LYPLA1: variants seen among roughly 807,000 people sequenced by gnomAD.
LYPLA1 encodes the protein acyl-protein thioesterase 1.
A neutral mutation model predicts 34.0 loss-of-function variants in LYPLA1; 17 were observed. That is an observed-to-expected ratio of 0.50 (90% CI 0.34 to 0.75). LYPLA1 has a LOEUF of 0.75. Ranked by LOEUF, LYPLA1 falls within the 30% of genes least tolerant of loss-of-function variation. LYPLA1 has a pLI of 0.01. For missense variants in LYPLA1, 203 were observed against 288.8 expected, an observed-to-expected ratio of 0.70 and a Z score of 2.15; for synonymous variants, 98 against 100.8, an observed-to-expected ratio of 0.97 and a Z score of 0.17.
chr8:54,062,652 C>CAG (rs1316300750), intron 4 of LYPLA1, among the ~76,000 whole-genome samples: 1 of 152,150 alleles, frequency 6.6e-6, no homozygotes, highest in African/African-American at 2.4e-5. Flanking sequence ...GCTGGTACTA[C>CAG]AGGTGCATGC....
At chr8:54,073,304 CCTT>C in intron 2 of LYPLA1, 3 of 872,634 alleles carry the variant, frequency 3.4e-6, no homozygotes, top group Non-Finnish European at 5.9e-6. Flanking sequence ...TGCCCCCTCT[CCTT>C]CTATGGACGG....
chr8:54,091,581 A>AAGACAAGGAAGGAAGGAAGG (rs1302206285), intron 2 of LYPLA1, among the ~76,000 whole-genome samples: 102 of 142,372 alleles, frequency 7.2e-4, no homozygotes, highest in African/African-American at 2.5e-3. Flanking sequence ...GAAAGAAAGA[A>AAGACAAGGAAGGAAGGAAGG]AAGGAAGGAA....
rs1254336888 is a variant in LYPLA1 at position 54,047,861 on chromosome 8, C to T, written c.*204G>A. ...TATTCTAATATAGTAGATCCTGGGTCGTCTTATAAGAATACATGTATAGAA... is the reference window on the plus strand; with the variant it reads ...TATTCTAATATAGTAGATCCTGGGTTGTCTTATAAGAATACATGTATAGAA... On this transcript the variant is annotated 3_prime_UTR_variant, in exon 9 of 9. Transcript: ENST00000316963. The T allele has an allele frequency of 5.5e-5, 23 of 417,502 alleles. No individual in the cohort carries two copies. Among genetic ancestry groups the T allele is most frequent in the Middle Eastern group, 6.3e-4 (1 of 1,582 alleles). The allele number at this position is 417,502 out of a possible 1,614,324, so 25.9% of individuals were successfully genotyped here. A position where few individuals can be genotyped will look rare whatever the true frequency, so the allele number is the denominator to read the frequency against.
intron 2 of LYPLA1, among the ~76,000 whole-genome samples, chr8:54,083,566 A>C (rs1233716462): frequency 6.6e-6 from 1 of 152,244 alleles, no homozygotes; most frequent in African/African-American, 2.4e-5. Context: ...AGGCTTTACC[A>C]GCCAGAAGGT....
intron 2 of LYPLA1, among the ~76,000 whole-genome samples, chr8:54,096,201 A>G (rs1809670197): frequency 6.6e-6 from 1 of 152,240 alleles, no homozygotes; most frequent in Admixed American, 6.5e-5. Flanking sequence ...AGGTATAAGG[A>G]GCTATAAATG....
Position 54,101,930 on chromosome 8 carries a change from A to G in LYPLA1, c.-107T>C. 1.9e-6 allele frequency: 1 copy of G among 526,430 alleles called. No individual in the cohort carries two copies. The highest frequency in any genetic ancestry group is 7.5e-5 in the East Asian group (1 of 13,250). 32.6% of individuals were successfully genotyped at this position (526,430 alleles called of 1,614,324 possible). On this transcript the variant is annotated 5_prime_UTR_variant, in exon 1 of 9. Coordinates refer to ENST00000316963, the MANE Select transcript of LYPLA1 (RefSeq NM_006330.4). Reference sequence around the variant, plus strand: ...GGCCGGCCCCACCGGGCGCACGCTCAGGCGCGTGCGCGCCAACGCGGCCCC... The same window carrying G: ...GGCCGGCCCCACCGGGCGCACGCTCGGGCGCGTGCGCGCCAACGCGGCCCC...
At chr8:54,049,823 C>T (rs1347278095) in intron 8 of LYPLA1, among the ~76,000 whole-genome samples, 1 of 152,118 alleles carries the variant, frequency 6.6e-6, no homozygotes, top group Admixed American at 6.5e-5. Flanking sequence ...CCTCATTTCC[C>T]TATCCACTTC....
At chr8:54,099,893 A>G (rs1166542499) in intron 2 of LYPLA1, among the ~76,000 whole-genome samples, 1 of 152,002 alleles carries the variant, frequency 6.6e-6, no homozygotes, top group Admixed American at 6.5e-5. Context: ...CATATTGGCC[A>G]AGCTGGTGTC....
At chr8:54,073,054 C>A (rs1255076590) in intron 2 of LYPLA1, 5 of 523,926 alleles carry the variant, frequency 9.5e-6, no homozygotes, top group Non-Finnish European at 1.4e-5. Flanking sequence ...TCACAGCAGG[C>A]AGAATGGCTA....
At chr8:54,089,860 T>C (rs1348082351) in intron 2 of LYPLA1, among the ~76,000 whole-genome samples, 3 of 152,302 alleles carry the variant, frequency 2.0e-5, no homozygotes, top group Admixed American at 6.5e-5. Flanking sequence ...TTACCTTGAA[T>C]TGTAATAATC....
intron 2 of LYPLA1, among the ~76,000 whole-genome samples, chr8:54,085,133 C>G (rs1266446621): frequency 6.6e-6 from 1 of 152,232 alleles, no homozygotes; most frequent in South Asian, 2.1e-4. Context: ...GCCGAAGGCG[C>G]GCACTGCCAC....
At position 54,094,545 on chromosome 8, in the gene LYPLA1, T is replaced by C. The variant is rs1014929225; in HGVS notation, c.101+6363A>G. 3.9e-5 allele frequency among the ~76,000 whole-genome samples: 6 copies of C among 152,206 alleles called. No homozygotes were observed. In the East Asian group the frequency reaches 1.2e-3, roughly 29 times the overall value. ...GAGGAATCATTATAAACTCAAGATT[T>C]TGAATACTTATAAATACTAAAACTG... On this transcript the variant is annotated intron_variant, in intron 2 of 8. Coordinates refer to ENST00000316963, the MANE Select transcript of LYPLA1 (RefSeq NM_006330.4).
intron 1 of LYPLA1, chr8:54,101,414 C>T: frequency 9.4e-7 from 1 of 1,064,058 alleles, no homozygotes; most frequent in Non-Finnish European, 1.1e-6. Flanking sequence ...GACAATAAGG[C>T]GATTTCCTGG....
At position 54,091,571 on chromosome 8, in the gene LYPLA1, GAAA is replaced by G. The variant is rs1246098466; in HGVS notation, c.101+9334_101+9336del. On this transcript the variant is annotated intron_variant, in intron 2 of 8. Coordinates refer to ENST00000316963, the MANE Select transcript of LYPLA1 (RefSeq NM_006330.4). ...GAAAAGAAGAAAGGAAGGAAGGAAAGAAAGAAAGAAAAGGAAGGAAGGAAGGAA... is the reference window on the plus strand; with the variant it reads ...GAAAAGAAGAAAGGAAGGAAGGAAAGGAAAGAAAAGGAAGGAAGGAAGGAA... Among the ~76,000 whole-genome samples the G allele has an allele frequency of 1.4e-3, 179 of 128,756 alleles. 2 individuals carry two copies. Among genetic ancestry groups the G allele is most frequent in the African/African-American group, 5.4e-3 (173 of 32,272 alleles). The allele number at this position is 128,756 out of a possible 152,430, so 84.5% of individuals were successfully genotyped here.
intron 2 of LYPLA1, among the ~76,000 whole-genome samples, chr8:54,066,275 AAAC>A (rs758896236): frequency 6.6e-6 from 1 of 152,114 alleles, no homozygotes; most frequent in Non-Finnish European, 1.5e-5. Flanking sequence ...AATACTATTA[AAAC>A]AACACCATGA....
intron 5 of LYPLA1, among the ~76,000 whole-genome samples, chr8:54,061,150 G>A (rs144936842): frequency 2.2e-4 from 33 of 149,248 alleles, no homozygotes; most frequent in African/African-American, 6.7e-4. Context: ...GCGCAATCTC[G>A]GCTCACTGAA....
intron 2 of LYPLA1, among the ~76,000 whole-genome samples, chr8:54,093,467 G>A (rs1010266142): frequency 3.9e-5 from 6 of 152,154 alleles, no homozygotes; most frequent in East Asian, 1.9e-4. Context: ...AAGGAAAGCC[G>A]GGAGTTATCA....
intron 2 of LYPLA1, among the ~76,000 whole-genome samples, chr8:54,080,807 C>G (rs575618499): frequency 6.6e-6 from 1 of 152,322 alleles, no homozygotes; most frequent in East Asian, 1.9e-4. Context: ...AGACTGGTCT[C>G]AAACTCCTGA....
chr8:54,059,085 C>A (rs191794639), intron 5 of LYPLA1, among the ~76,000 whole-genome samples: 5 of 152,300 alleles, frequency 3.3e-5, no homozygotes, highest in African/African-American at 1.2e-4. Flanking sequence ...CATTCTGGAC[C>A]TCATGAGGCC....
Sources: allele counts gnomAD v4.1 joint callset (sites outside exome capture counted in the v4.1 genomes callset), GRCh38; gene constraint gnomAD v4.1.1; transcripts MANE v1.5; gene names NCBI Gene and HGNC (gene_info 2026-07-23, HGNC 2026-07-21).